The following CREBL2 variants were observed in gnomAD, a reference collection of about 807,000 sequenced individuals.
CREBL2 encodes the protein cAMP responsive element binding protein like 2.
CREBL2 carries 4 observed loss-of-function variants against 19.5 expected under a neutral mutation model. The observed-to-expected ratio is 0.20, with a 90% CI of 0.10 to 0.47. The LOEUF is 0.47. Among genes scored for constraint, CREBL2 ranks in the 20% least tolerant of loss-of-function variants. CREBL2 has a pLI of 0.98. For missense variants in CREBL2, 85 were observed against 145.1 expected (o/e 0.59, Z 2.13); for synonymous variants, 42 against 46.6 (o/e 0.90, Z 0.40).
chr12:12,631,633 C>T (rs1945443268), intron 1 of CREBL2, among the ~76,000 whole-genome samples: 1 of 152,120 alleles, frequency 6.6e-6, no homozygotes. Flanking sequence ...GTCTTTTGGC[C>T]CAGGAATTAG....
chr12:12,622,192 C>T (rs1443557286), intron 1 of CREBL2, among the ~76,000 whole-genome samples: 2 of 152,168 alleles, frequency 1.3e-5, no homozygotes, highest in East Asian at 3.8e-4. Context: ...TTAATACATA[C>T]TGAGTTCAAT....
At chr12:12,623,116 T>G (rs1454709282) in intron 1 of CREBL2, among the ~76,000 whole-genome samples, 2 of 150,798 alleles carry the variant, frequency 1.3e-5, no homozygotes, top group South Asian at 4.2e-4. Context: ...TTTTTTTTTT[T>G]TGTAACAACT....
chr12:12,625,456 GT>G (rs1422040496), intron 1 of CREBL2, among the ~76,000 whole-genome samples: 1 of 152,208 alleles, frequency 6.6e-6, no homozygotes, highest in African/African-American at 2.4e-5. Flanking sequence ...ATCAAAGTGA[GT>G]TACATTAAAT....
At chr12:12,641,226 T>TTTATTATTATTA (rs1193355722) in intron 3 of CREBL2, among the ~76,000 whole-genome samples, 3 of 120,966 alleles carry the variant, frequency 2.5e-5, no homozygotes, top group Non-Finnish European at 3.3e-5. Context: ...GTCACAAACC[T>TTTATTATTATTA]TTATTATTAT....
At chr12:12,631,221 G>A (rs1488003913) in intron 1 of CREBL2, among the ~76,000 whole-genome samples, 1 of 152,154 alleles carries the variant, frequency 6.6e-6, no homozygotes, top group Non-Finnish European at 1.5e-5. Context: ...CTCTGTGAAG[G>A]GTAAGAAAAA....
chr12:12,625,041 C>T (rs1323500203), intron 1 of CREBL2, among the ~76,000 whole-genome samples: 1 of 152,080 alleles, frequency 6.6e-6, no homozygotes, highest in Non-Finnish European at 1.5e-5. Flanking sequence ...CAAGCCACTT[C>T]TCTCTGACAT....
rs1354186041 is a variant in CREBL2, at chr12:12,642,218, G to T, written c.*220G>T. On this transcript the variant is annotated 3_prime_UTR_variant, in exon 4 of 4. Transcript: ENST00000228865. ...TCTACAAACATTCAGACCTGTCTGGGTTGGTATTGCCACCCATGACATTTA... is the reference window on the plus strand; with the variant it reads ...TCTACAAACATTCAGACCTGTCTGGTTTGGTATTGCCACCCATGACATTTA... 2 of 384,030 alleles carry T rather than the reference G, an allele frequency of 5.2e-6. No individual in the cohort carries two copies. The highest frequency in any genetic ancestry group is 7.6e-5 in the East Asian group (2 of 26,384). The allele number at this position is 384,030 out of a possible 1,614,324, so 23.8% of individuals were successfully genotyped here.
intron 1 of CREBL2, among the ~76,000 whole-genome samples, chr12:12,626,800 G>A (rs892986673): frequency 2.0e-5 from 3 of 151,518 alleles, no homozygotes; most frequent in Non-Finnish European, 4.4e-5. Flanking sequence ...ACTTGGGAGG[G>A]TGAGGCAGGA....
At chr12:12,635,999 GA>G (rs1349925824) in intron 2 of CREBL2, 25 bp downstream of exon 2, 5 of 1,587,108 alleles carry the variant, frequency 3.2e-6, no homozygotes, top group Non-Finnish European at 4.3e-6. Context: ...GTAAACACAT[GA>G]AAAAATCACC....
chr12:12,633,028 C>T (rs986568624), intron 1 of CREBL2, among the ~76,000 whole-genome samples: 1 of 151,412 alleles, frequency 6.6e-6, no homozygotes, highest in Admixed American at 6.6e-5. Context: ...CCACCTCCCA[C>T]GTTCAAGCGA....
rs1344915791 is a variant in CREBL2 at position 12,635,800 on chromosome 12, G to A, written c.39G>A (p.Lys13=). ...DSKVVGGKVK[K]PGKRGRKPAK... ...AGGTGGTTGGAGGCAAAGTAAAGAA[G>A]CCCGGTAAACGTGGTCGGAAGCCAG... Residue 13 remains lysine (K), a synonymous_variant, in exon 2 of 4, where the codon AAG becomes AAA. Transcript: ENST00000228865. The A allele has an allele frequency of 1.9e-6, 3 of 1,612,188 alleles. No individual in the cohort carries two copies. In the South Asian group the frequency reaches 3.3e-5, roughly 18 times the overall value.
Position 12,643,660 on chromosome 12 carries a change from C to CTCTAGTCTAGTCTAGTCTAG in CREBL2, c.*1675_*1694dup, listed in dbSNP as rs71755460. 5 of 151,214 alleles carry CTCTAGTCTAGTCTAGTCTAG rather than the reference C, an allele frequency of 3.3e-5. No individual in the cohort carries two copies. Among genetic ancestry groups the CTCTAGTCTAGTCTAGTCTAG allele is most frequent in the Admixed American group, 3.3e-4 (5 of 15,150 alleles). 9.4% of individuals were successfully genotyped at this position (151,214 alleles called of 1,614,324 possible). ...CTTGTACTTGGTTGCAAACTCAGAT[C>CTCTAGTCTAGTCTAGTCTAG]TCTAGTCTAGTCTAGTCTAGTCTAG... On this transcript the variant is annotated 3_prime_UTR_variant, in exon 4 of 4. Transcript: ENST00000228865.
rs576244554 is a variant in CREBL2 at position 12,633,091 on chromosome 12, C to T, written c.16-2686C>T. On this transcript the variant is annotated intron_variant, in intron 1 of 3. Transcript: ENST00000228865. ...AGCTGGGATTACAGGTGCCCACCAC[C>T]GTGCCCGGCTAAGTTTTGTATTTTT... Among the ~76,000 whole-genome samples, 12 of 151,618 alleles carry T rather than the reference C, an allele frequency of 7.9e-5. 1 individual carries two copies. In the East Asian group the frequency reaches 1.8e-3, roughly 22 times the overall value.
chr12:12,633,825 T>C (rs1215307606), intron 1 of CREBL2, among the ~76,000 whole-genome samples: 1 of 152,236 alleles, frequency 6.6e-6, no homozygotes, highest in Non-Finnish European at 1.5e-5. Flanking sequence ...CAAACAGATA[T>C]TGACCCTTTG....
At chr12:12,620,569 T>C (rs1258741056) in intron 1 of CREBL2, among the ~76,000 whole-genome samples, 1 of 152,180 alleles carries the variant, frequency 6.6e-6, no homozygotes, top group Non-Finnish European at 1.5e-5. Context: ...CATTTCAACT[T>C]GAGTACCTCT....
intron 1 of CREBL2, 148 bp downstream of exon 1, chr12:12,612,335 A>AC: frequency 6.9e-7 from 1 of 1,440,984 alleles, no homozygotes; most frequent in Non-Finnish European, 9.4e-7. Context: ...GCCCGATGGT[A>AC]CCCAGCCAGG....
At chr12:12,630,972 G>C (rs1466832215) in intron 1 of CREBL2, among the ~76,000 whole-genome samples, 1 of 152,082 alleles carries the variant, frequency 6.6e-6, no homozygotes, top group Non-Finnish European at 1.5e-5. Context: ...CTGATTACCA[G>C]GTACTAAGAA....
At chr12:12,623,495 G>A (rs1177783698) in intron 1 of CREBL2, among the ~76,000 whole-genome samples, 1 of 152,162 alleles carries the variant, frequency 6.6e-6, no homozygotes, top group African/African-American at 2.4e-5. Context: ...AATAAAACAA[G>A]ATTTGCCCTT....
At chr12:12,633,912 G>C (rs896888906) in intron 1 of CREBL2, among the ~76,000 whole-genome samples, 1 of 152,066 alleles carries the variant, frequency 6.6e-6, no homozygotes, top group South Asian at 2.1e-4. Flanking sequence ...TTCTCTTTTA[G>C]AATTGCCTTT....
Sources: allele counts gnomAD v4.1 joint callset (sites outside exome capture counted in the v4.1 genomes callset), GRCh38; gene constraint gnomAD v4.1.1; transcripts MANE v1.5; gene names NCBI Gene and HGNC (gene_info 2026-07-23, HGNC 2026-07-21).